Variants in NTM observed in about 807,000 individuals in gnomAD.
NTM encodes the protein IgLON family member 2.
Under a neutral mutation model 42.1 loss-of-function variants are expected in NTM, and 13 were observed. The observed-to-expected ratio is 0.31, with a 90% CI of 0.20 to 0.49. The LOEUF (loss-of-function observed/expected upper bound fraction) is 0.49, where lower values mean the gene tolerates loss of function less well. Among genes scored for constraint, NTM ranks in the 20% least tolerant of loss-of-function variants. The pLI, the probability that NTM is intolerant of heterozygous loss-of-function variation, is 0.99. For missense variants in NTM, 373 were observed against 452.8 expected (o/e 0.82, Z 1.60); for synonymous variants, 187 against 179.2 (o/e 1.04, Z -0.35).
intron 1 of NTM, among the ~76,000 whole-genome samples, chr11:131,612,845 C>T (rs1440839431): frequency 6.6e-6 from 1 of 152,222 alleles, no homozygotes; most frequent in African/African-American, 2.4e-5. Context: ...GGAAGCCTGT[C>T]CCCAAATCCC....
intron 2 of NTM, among the ~76,000 whole-genome samples, chr11:131,922,545 G>T (rs1345337920): frequency 6.6e-6 from 1 of 152,072 alleles, no homozygotes; most frequent in Admixed American, 6.5e-5. Context: ...TCTCTCCTGT[G>T]CTTCATCTAA....
chr11:131,410,782 C>A (rs1946317913), intron 1 of NTM, among the ~76,000 whole-genome samples: 1 of 152,066 alleles, frequency 6.6e-6, no homozygotes, highest in African/African-American at 2.4e-5. Flanking sequence ...CCCATTTATG[C>A]CTGGTGTTCC....
At chr11:132,302,520 A>AG (rs1469758461) in intron 4 of NTM, among the ~76,000 whole-genome samples, 1 of 152,174 alleles carries the variant, frequency 6.6e-6, no homozygotes, top group Non-Finnish European at 1.5e-5. Context: ...GTGAGCAACA[A>AG]GGGGTCTCTG....
rs551671963 is a variant in NTM at position 131,654,470 on chromosome 11, C to G, written c.83-257094C>G. Among the ~76,000 whole-genome samples the G allele has an allele frequency of 4.6e-5, 7 of 152,036 alleles. No homozygotes were observed. In the South Asian group the frequency reaches 1.5e-3, roughly 32 times the overall value. On this transcript the variant is annotated intron_variant, in intron 1 of 8. Coordinates refer to ENST00000683400, the MANE Select transcript of NTM (RefSeq NM_001352005.2). ...TTTTCCGGGAGTCTCAGGGTTCCAT[C>G]TAATGCAGAGCTTCTCAGAGTCCGG...
At chr11:131,944,055 ATTTT>A (rs377427271) in intron 2 of NTM, among the ~76,000 whole-genome samples, 13 of 150,208 alleles carry the variant, frequency 8.7e-5, no homozygotes, top group African/African-American at 2.9e-4. Context: ...TTTCTGAAAC[ATTTT>A]TTTTTTCTTT....
At chr11:132,331,918 G>T (rs1031331997) in intron 8 of NTM, among the ~76,000 whole-genome samples, 1 of 152,158 alleles carries the variant, frequency 6.6e-6, no homozygotes, top group Non-Finnish European at 1.5e-5. Context: ...AGGGGCAAGG[G>T]CACCAAACTA....
intron 2 of NTM, among the ~76,000 whole-genome samples, chr11:131,996,047 A>G (rs2067948857): frequency 6.6e-6 from 1 of 152,172 alleles, no homozygotes; most frequent in Non-Finnish European, 1.5e-5. Flanking sequence ...TGGGAGCATT[A>G]ATTTCCATGT....
intron 1 of NTM, among the ~76,000 whole-genome samples, chr11:131,819,477 C>T (rs1437573884): frequency 1.3e-5 from 2 of 152,184 alleles, no homozygotes; most frequent in East Asian, 3.9e-4. Flanking sequence ...TTCATTTGTT[C>T]ATTTCACAAT....
chr11:131,724,568 C>T (rs1305529890), intron 1 of NTM, among the ~76,000 whole-genome samples: 2 of 152,136 alleles, frequency 1.3e-5, no homozygotes, highest in East Asian at 1.9e-4. Flanking sequence ...AGACTTTTCC[C>T]GCTGCACCTC....
intron 1 of NTM, among the ~76,000 whole-genome samples, chr11:131,865,864 A>G (rs1042995157): frequency 3.7e-5 from 5 of 135,532 alleles, no homozygotes; most frequent in African/African-American, 1.1e-4. Context: ...CATGCTACAT[A>G]CACACATGCT....
intron 2 of NTM, among the ~76,000 whole-genome samples, chr11:131,933,106 C>T (rs1399935796): frequency 6.6e-6 from 1 of 152,214 alleles, no homozygotes; most frequent in Non-Finnish European, 1.5e-5. Flanking sequence ...ATGTGGCACT[C>T]GGACAGCTGT....
intron 1 of NTM, among the ~76,000 whole-genome samples, chr11:131,478,126 T>A (rs894895859): frequency 1.3e-5 from 2 of 152,250 alleles, no homozygotes; most frequent in African/African-American, 4.8e-5. Context: ...GCAAGTATTT[T>A]GACTTTTCAT....
intron 2 of NTM, among the ~76,000 whole-genome samples, chr11:131,926,105 T>G (rs516431): frequency 6.6e-6 from 1 of 151,822 alleles, no homozygotes; most frequent in Non-Finnish European, 1.5e-5. Context: ...GCAACTTGTA[T>G]GGATTAGAAA....
At chr11:132,230,519 G>A (rs2087300480) in intron 4 of NTM, among the ~76,000 whole-genome samples, 1 of 152,262 alleles carries the variant, frequency 6.6e-6, no homozygotes, top group Non-Finnish European at 1.5e-5. Context: ...ACCTGGGCCT[G>A]GAGCTTAATC....
chr11:131,731,930 G>A (rs763256608), intron 1 of NTM, among the ~76,000 whole-genome samples: 6 of 152,118 alleles, frequency 3.9e-5, no homozygotes, highest in Non-Finnish European at 8.8e-5. Flanking sequence ...ATCTGTACAC[G>A]CTATTGTGTA....
intron 4 of NTM, among the ~76,000 whole-genome samples, chr11:132,301,769 T>C (rs1351804490): frequency 6.6e-6 from 1 of 152,154 alleles, no homozygotes; most frequent in Admixed American, 6.5e-5. Context: ...TTAAAAATGA[T>C]TCCTTCCAAC....
chr11:131,424,600 C>CTTTCTTTTTTTTTTTT (rs1947878678), intron 1 of NTM, among the ~76,000 whole-genome samples: 4 of 56,038 alleles, frequency 7.1e-5, no homozygotes, highest in Admixed American at 2.5e-4. Flanking sequence ...CTTTTCTTTT[C>CTTTCTTTTTTTTTTTT]TTTTTTTTTT....
intron 1 of NTM, among the ~76,000 whole-genome samples, chr11:131,737,223 C>G (rs1408643601): frequency 1.3e-5 from 2 of 152,160 alleles, no homozygotes; most frequent in Non-Finnish European, 2.9e-5. Flanking sequence ...GCTCCAACCA[C>G]TCTGTGCAAT....
chr11:132,289,567 C>A (rs2094382804), intron 4 of NTM, among the ~76,000 whole-genome samples: 1 of 152,234 alleles, frequency 6.6e-6, no homozygotes, highest in Non-Finnish European at 1.5e-5. Flanking sequence ...TCCCCTCACC[C>A]CCTGCCATAA....
Sources: allele counts gnomAD v4.1 joint callset (sites outside exome capture counted in the v4.1 genomes callset), GRCh38; gene constraint gnomAD v4.1.1; transcripts MANE v1.5; gene names NCBI Gene and HGNC (gene_info 2026-07-23, HGNC 2026-07-21).